Variants in PSCA observed in about 807,000 individuals in gnomAD.
The protein encoded by PSCA is prostate stem cell antigen.
In PSCA, 7 loss-of-function variants were observed where a neutral mutation model predicts 7.9. The ratio of observed to expected loss-of-function variants is 0.89; its 90% CI spans 0.51 to 1.67. PSCA has a LOEUF of 1.67. Ranked by LOEUF, PSCA falls within the 40% of genes most tolerant of loss-of-function variation. The probability of loss-of-function intolerance (pLI) is 0.00; values close to 1 mark genes in which losing one functional copy is unlikely to be tolerated. For synonymous variants in PSCA, 61 were observed against 68.3 expected (o/e 0.89, Z 0.53); for missense variants, 151 against 147.9 (o/e 1.02, Z -0.11).
rs1554637640 is a variant in PSCA, at chr8:142,674,320, GCT to G, written n.261+3754_261+3755del. 2.9e-3 allele frequency among the ~76,000 whole-genome samples: 423 copies of G among 145,142 alleles called. 99 individuals carry two copies. The highest frequency in any genetic ancestry group is 0.011 in the African/African-American group (401 of 37,070). On this transcript the variant is annotated intron_variant and non_coding_transcript_variant, in intron 1 of 1. Coordinates refer to the PSCA transcript ENST00000505305. ...ATCGTTTCAGTCTAACCTCAGCAGA[GCT>G]CAGACTCCCCTCATCTTCCTAATGA...
rs1554637543 is a variant in PSCA, at chr8:142,673,599, A to G, written n.261+3031A>G. 6.6e-6 allele frequency among the ~76,000 whole-genome samples: 1 copy of G among 152,212 alleles called. No individual in the cohort carries two copies. Among genetic ancestry groups the G allele is most frequent in the Non-Finnish European group, 1.5e-5 (1 of 68,040 alleles). The stretch of plus-strand genomic sequence containing the variant: ...GAGACCAGAGTTTTATCATCACTCA[A>G]ATCAGCCTCTCAGAAAATTCGGACG... On this transcript the variant is annotated intron_variant and non_coding_transcript_variant, in intron 1 of 1. Coordinates refer to the PSCA transcript ENST00000505305. This position sits in a 1 kb window ranked among gnomAD's most constrained non-coding sequence, Gnocchi z 4.6.
intron 1 of PSCA, chr8:142,680,894 A>C: frequency 1.9e-6 from 1 of 524,258 alleles, no homozygotes. Flanking sequence ...GCTGGGAGAC[A>C]TGGGACAGGA....
chr8:142,682,621 G>T lies in PSCA; in HGVS notation c.*489G>T, dbSNP rs587628085. On this transcript the variant is annotated 3_prime_UTR_variant, in exon 3 of 3. Coordinates refer to ENST00000301258, the MANE Select transcript of PSCA (RefSeq NM_005672.5). ...GTTCCTGGGAGTCTCCAGAGATGGGGCCTGGAGGCCTGGAGGAAGGGGCCA... is the reference window on the plus strand; with the variant it reads ...GTTCCTGGGAGTCTCCAGAGATGGGTCCTGGAGGCCTGGAGGAAGGGGCCA... 42 of 354,374 alleles carry T rather than the reference G, an allele frequency of 1.2e-4. No individual in the cohort carries two copies. The highest frequency in any genetic ancestry group is 8.7e-4 in the African/African-American group (41 of 46,934). 22.0% of individuals were successfully genotyped at this position (354,374 alleles called of 1,614,324 possible). A position where few individuals can be genotyped will look rare whatever the true frequency, so the allele number is the denominator to read the frequency against.
upstream of PSCA, among the ~76,000 whole-genome samples, chr8:142,679,637 G>A (rs1361457408): frequency 1.3e-5 from 2 of 152,162 alleles, no homozygotes; most frequent in Non-Finnish European, 2.9e-5. Context: ...CTGGAACTGG[G>A]GGCTTCCAGG....
At chr8:142,678,900 A>G (rs36163263), upstream of PSCA, among the ~76,000 whole-genome samples, 38 of 149,118 alleles carry the variant, frequency 2.5e-4, no homozygotes, top group Admixed American at 6.0e-4. Flanking sequence ...ACACTTAGCC[A>G]GCTGGCATGA....
At chr8:142,675,850 A>T (rs1847394497), upstream of PSCA, 3 of 152,254 alleles carry the variant, frequency 2.0e-5, no homozygotes, top group Admixed American at 6.5e-5. Flanking sequence ...CCTGATCTGC[A>T]AGGGCGTTTT....
chr8:142,676,393 G>C (rs990417534), upstream of PSCA: 8 of 152,358 alleles, frequency 5.3e-5, no homozygotes, highest in African/African-American at 1.9e-4. Context: ...GCCGCTGGAT[G>C]GGGGTTCCCA....
In PSCA at chr8:142,682,583, G is replaced by A. The variant is rs2976396; in HGVS notation, c.*451G>A. 168,637 of 375,438 alleles carry A rather than the reference G, an allele frequency of 0.45. 38,492 individuals are homozygous for A. Among genetic ancestry groups the A allele is most frequent in the Admixed American group, 0.53 (16,253 of 30,752 alleles). 23.3% of individuals were successfully genotyped at this position (375,438 alleles called of 1,614,324 possible). On this transcript the variant is annotated 3_prime_UTR_variant, in exon 3 of 3. Coordinates refer to ENST00000301258, the MANE Select transcript of PSCA (RefSeq NM_005672.5). ...GTGGACTGAGTAGAACTGGAGGACAGGAGTCGACGTGAGTTCCTGGGAGTC... is the reference window on the plus strand; with the variant it reads ...GTGGACTGAGTAGAACTGGAGGACAAGAGTCGACGTGAGTTCCTGGGAGTC...
At chr8:142,672,081 A>G (rs587736214) in intron 1 of PSCA, among the ~76,000 whole-genome samples, 1 of 151,918 alleles carries the variant, frequency 6.6e-6, no homozygotes, top group East Asian at 1.9e-4. Flanking sequence ...CCTATGTGCT[A>G]GCCAATGTCT....
rs587693837 is a variant in PSCA at position 142,682,174 on chromosome 8, C to G, written c.*42C>G. On this transcript the variant is annotated 3_prime_UTR_variant, in exon 3 of 3. Transcript: ENST00000301258. ...CTGCAGCCCACACTGGGTGTGGTGCCCCAGGCCTCTGTGCCACTCCTCACA... is the reference window on the plus strand; with the variant it reads ...CTGCAGCCCACACTGGGTGTGGTGCGCCAGGCCTCTGTGCCACTCCTCACA... 1 of 1,563,250 alleles carries G rather than the reference C, an allele frequency of 6.4e-7. No homozygotes were observed. The highest frequency in any genetic ancestry group is 2.3e-5 in the East Asian group (1 of 43,190).
chr8:142,678,368 G>C (rs1847422155), upstream of PSCA, among the ~76,000 whole-genome samples: 2 of 152,204 alleles, frequency 1.3e-5, no homozygotes, highest in Non-Finnish European at 2.9e-5. Flanking sequence ...GGACCTACCA[G>C]CTTCCGGCAG....
upstream of PSCA, chr8:142,675,826 C>T (rs1554637775): frequency 6.6e-6 from 1 of 152,246 alleles, no homozygotes; most frequent in Non-Finnish European, 1.5e-5. Context: ...CCATGTGCAT[C>T]AGTGGGTTTT....
intron 1 of PSCA, among the ~76,000 whole-genome samples, chr8:142,674,036 G>C (rs587749962): frequency 6.7e-6 from 1 of 150,354 alleles, no homozygotes; most frequent in African/African-American, 2.4e-5. Context: ...TAACGGCTGG[G>C]AATCGTTTCA....
chr8:142,681,037 T>C, intron 1 of PSCA: 1 of 478,824 alleles, frequency 2.1e-6, no homozygotes. Flanking sequence ...CTGCTCTGCT[T>C]GAGGTGGGAC....
upstream of PSCA, among the ~76,000 whole-genome samples, chr8:142,677,060 C>T (rs1847408044): frequency 1.3e-5 from 2 of 152,212 alleles, no homozygotes; most frequent in Admixed American, 6.5e-5. Flanking sequence ...TGACCAGGAT[C>T]AGGGCTCAGC....
intron 2 of PSCA, 114 bp downstream of exon 2, chr8:142,681,548 TCCCGCA>T (rs1284198918): frequency 1.1e-6 from 1 of 897,400 alleles, no homozygotes; most frequent in African/African-American, 1.6e-5. Context: ...CCCCGACCCG[TCCCGCA>T]CCTGCACCCC....
At chr8:142,678,850 A>G (rs1320655986), upstream of PSCA, among the ~76,000 whole-genome samples, 4 of 149,112 alleles carry the variant, frequency 2.7e-5, no homozygotes, top group Non-Finnish European at 5.9e-5. Flanking sequence ...CTGGCAGGAG[A>G]GCCTAGGCCT....
chr8:142,674,158 C>T (rs374697725), intron 1 of PSCA, among the ~76,000 whole-genome samples: 3 of 147,064 alleles, frequency 2.0e-5, no homozygotes, highest in South Asian at 2.2e-4. Flanking sequence ...TAATGAATAA[C>T]GGCTGGGAAT....
rs2978982 is a variant in PSCA at position 142,682,072 on chromosome 8, T to C, written c.285T>C (p.Ala95=). 0.45 allele frequency: 726,313 copies of C among 1,608,592 alleles called. 165,908 individuals carry two copies. The highest frequency in any genetic ancestry group is 0.55 in the Admixed American group (32,860 of 59,930). Residue 95 remains alanine, a synonymous_variant, in exon 3 of 3, where the codon GCT becomes GCC. Transcript: ENST00000301258. ...ASGAHALQPA[A]AILALLPALG... is the part of the protein sequence containing the mutation. ...GGGCCCATGCCCTGCAGCCGGCTGCTGCCATCCTTGCGCTGCTCCCTGCAC... is the reference window on the plus strand; with the variant it reads ...GGGCCCATGCCCTGCAGCCGGCTGCCGCCATCCTTGCGCTGCTCCCTGCAC...
Sources: allele counts gnomAD v4.1 joint callset (sites outside exome capture counted in the v4.1 genomes callset), GRCh38; gene constraint gnomAD v4.1.1; non-coding constraint Gnocchi (gnomAD v3.1); transcripts MANE v1.5; gene names NCBI Gene and HGNC (gene_info 2026-07-23, HGNC 2026-07-21).